NDUFAF6: variants seen among roughly 807,000 people sequenced by gnomAD.
The protein encoded by NDUFAF6 is NADH dehydrogenase (ubiquinone) complex I, assembly factor 6.
A neutral mutation model predicts 40.8 loss-of-function variants in NDUFAF6; 45 were observed. The observed-to-expected ratio is 1.10, with a 90% CI of 0.87 to 1.42. NDUFAF6 has a LOEUF of 1.42. Among genes scored for constraint, NDUFAF6 ranks in the 40% most tolerant of loss-of-function variants. The probability of loss-of-function intolerance (pLI) is 0.00; values close to 1 mark genes in which losing one functional copy is unlikely to be tolerated. For synonymous variants in NDUFAF6, 185 were observed against 155.9 expected, an observed-to-expected ratio of 1.19 and a Z score of -1.39; for missense variants, 435 against 418.5, an observed-to-expected ratio of 1.04 and a Z score of -0.34.
downstream of NDUFAF6, among the ~76,000 whole-genome samples, chr8:95,104,349 C>A (rs1809751759): frequency 6.6e-6 from 1 of 152,114 alleles, no homozygotes; most frequent in Non-Finnish European, 1.5e-5. Flanking sequence ...TAGAGCATGG[C>A]CTCTCCTATC....
chr8:94,974,957 A>C (rs1211442888), intron 1 of NDUFAF6: 1 of 152,334 alleles, frequency 6.6e-6, no homozygotes, highest in Non-Finnish European at 1.5e-5. Context: ...TCTGGCCCAA[A>C]ACAAGTAAGC....
At chr8:95,082,653 TTTG>T (rs1281526645) in intron 2 of NDUFAF6, among the ~76,000 whole-genome samples, 1 of 149,338 alleles carries the variant, frequency 6.7e-6, no homozygotes, top group African/African-American at 2.6e-5. Context: ...GTTTGTTTGT[TTTG>T]TTTTGTTTTG....
At chr8:94,980,486 T>C (rs77855674) in intron 1 of NDUFAF6, among the ~76,000 whole-genome samples, 1,805 of 141,664 alleles carry the variant, frequency 0.013, 36 homozygotes, top group African/African-American at 0.045. Flanking sequence ...GCTCTGTCAC[T>C]GAACTGGAGT....
upstream of NDUFAF6, among the ~76,000 whole-genome samples, chr8:95,024,578 G>C (rs147464188): frequency 7.6e-4 from 116 of 152,374 alleles, no homozygotes; most frequent in African/African-American, 2.7e-3. Context: ...CCAGCAACGT[G>C]CGGGACAGCG....
intron 2 of NDUFAF6, among the ~76,000 whole-genome samples, chr8:94,951,952 C>G (rs148819283): frequency 1.2e-4 from 19 of 152,348 alleles, no homozygotes; most frequent in Admixed American, 5.2e-4. Flanking sequence ...GACAAAGACC[C>G]AGCCAGGTTC....
intron 2 of NDUFAF6, among the ~76,000 whole-genome samples, chr8:95,082,473 A>G (rs1223231219): frequency 6.6e-6 from 1 of 151,826 alleles, no homozygotes; most frequent in African/African-American, 2.4e-5. Flanking sequence ...TCTGTTCAGA[A>G]TCACTCGAAG....
intron 3 of NDUFAF6, 50 bp downstream of exon 3, chr8:95,035,626 C>G: frequency 6.4e-7 from 1 of 1,558,584 alleles, no homozygotes; most frequent in Non-Finnish European, 8.8e-7. Context: ...TTATTCGAGT[C>G]TACTTTTTGA....
intron 2 of NDUFAF6, among the ~76,000 whole-genome samples, chr8:95,092,149 C>T (rs1364387662): frequency 1.3e-5 from 2 of 150,858 alleles, no homozygotes; most frequent in Admixed American, 6.6e-5. Flanking sequence ...AAACTATCTA[C>T]CATGTGGTTA....
chr8:94,946,202 C>T (rs1317159582), intron 2 of NDUFAF6, among the ~76,000 whole-genome samples: 1 of 151,276 alleles, frequency 6.6e-6, no homozygotes, highest in Non-Finnish European at 1.5e-5. Context: ...AACATTTTAT[C>T]ATCAATGGTT....
chr8:94,933,359 T>A (rs560394027), intron 1 of NDUFAF6, among the ~76,000 whole-genome samples: 2 of 151,696 alleles, frequency 1.3e-5, no homozygotes, highest in Non-Finnish European at 2.9e-5. Flanking sequence ...GTACCAAAAC[T>A]AGAAAACCAT....
intron 1 of NDUFAF6, among the ~76,000 whole-genome samples, chr8:94,912,868 A>T (rs1186849401): frequency 6.6e-6 from 1 of 151,556 alleles, no homozygotes; most frequent in Non-Finnish European, 1.5e-5. Context: ...AGTCCCAGCT[A>T]CTCTGGAGGC....
Position 95,031,881 on chromosome 8 carries a change from A to G in NDUFAF6, c.198-114A>G, listed in dbSNP as rs577141639. ...CTCCCAAAGTGCTGGGATTACAGGC[A>G]TGAGCTACCGCGCCCAACTTGAAGC... On this transcript the variant is annotated intron_variant, in intron 1 of 8. Coordinates refer to ENST00000396124, the MANE Select transcript of NDUFAF6 (RefSeq NM_152416.4). 10 of 982,696 alleles carry G rather than the reference A, an allele frequency of 1.0e-5. No individual in the cohort carries two copies. The South Asian group carries it at 1.2e-4, about 12-fold the overall frequency. 60.9% of individuals were successfully genotyped at this position (982,696 alleles called of 1,614,324 possible).
chr8:94,952,383 G>A (rs1196416316), intron 2 of NDUFAF6, among the ~76,000 whole-genome samples: 2 of 152,324 alleles, frequency 1.3e-5, no homozygotes, highest in Admixed American at 6.5e-5. Flanking sequence ...CTGTACTGAG[G>A]AGAATGGCAA....
chr8:94,905,074 C>T (rs191177505), intron 1 of NDUFAF6, among the ~76,000 whole-genome samples: 43 of 152,110 alleles, frequency 2.8e-4, no homozygotes, highest in Admixed American at 2.4e-3. Context: ...GTGGTGCATA[C>T]CTGTAATCCC....
intron 2 of NDUFAF6, among the ~76,000 whole-genome samples, chr8:95,018,759 A>G (rs1827571921): frequency 6.6e-6 from 1 of 152,262 alleles, no homozygotes; most frequent in Non-Finnish European, 1.5e-5. Context: ...GAGAAGGAAC[A>G]GGACAAGATG....
chr8:95,084,843 T>C (rs771474404), intron 2 of NDUFAF6, among the ~76,000 whole-genome samples: 2 of 152,146 alleles, frequency 1.3e-5, no homozygotes, highest in Non-Finnish European at 2.9e-5. Context: ...AAATAGAACT[T>C]GAGAAAGAAC....
intron 2 of NDUFAF6, chr8:94,950,871 T>C (rs1822546638): frequency 6.6e-6 from 1 of 152,228 alleles, no homozygotes; most frequent in South Asian, 2.1e-4. Flanking sequence ...TTTTCCAGTT[T>C]GATAAGGTTT....
At chr8:95,108,512 C>G (rs553114981) in intron 4 of NDUFAF6, among the ~76,000 whole-genome samples, 1 of 152,140 alleles carries the variant, frequency 6.6e-6, no homozygotes, top group South Asian at 2.1e-4. Flanking sequence ...AGTCAAATAC[C>G]TAGAGACAAA....
chr8:94,960,758 C>A lies in NDUFAF6; in HGVS notation c.-199+2579C>A, dbSNP rs554545094. Among the ~76,000 whole-genome samples, 30 of 152,298 alleles carry A rather than the reference C, an allele frequency of 2.0e-4. 1 individual carries two copies. In the South Asian group the frequency reaches 6.3e-3, roughly 32 times the overall value. On this transcript the variant is annotated intron_variant, in intron 1 of 9. Transcript: ENST00000396111. ...GTAGCAGCAACCAGTGGAGCTGCTG[C>A]AAACATTTGTTTTTGATAACAGTGT...
Sources: allele counts gnomAD v4.1 joint callset (sites outside exome capture counted in the v4.1 genomes callset), GRCh38; gene constraint gnomAD v4.1.1; transcripts MANE v1.5; gene names NCBI Gene and HGNC (gene_info 2026-07-23, HGNC 2026-07-21).